Variants in PTPN11 observed in about 807,000 individuals in gnomAD.
PTPN11 encodes the protein protein tyrosine phosphatase non-receptor type 11.
PTPN11 carries 6 observed loss-of-function variants against 78.8 expected under a neutral mutation model. The observed-to-expected ratio is 0.08, with a 90% confidence interval of 0.04 to 0.15. PTPN11 has a LOEUF of 0.15. Among genes scored for constraint, PTPN11 ranks in the 10% least tolerant of loss-of-function variants. The probability of loss-of-function intolerance (pLI) is 1.00; values close to 1 mark genes in which losing one functional copy is unlikely to be tolerated. For synonymous variants in PTPN11, 221 were observed against 263.5 expected, an observed-to-expected ratio of 0.84 and a Z score of 1.56; for missense variants, 386 against 744.8, an observed-to-expected ratio of 0.52 and a Z score of 5.61.
chr12:112,441,011 TAGAG>T (rs2037881009), intron 1 of PTPN11, among the ~76,000 whole-genome samples: 1 of 150,062 alleles, frequency 6.7e-6, no homozygotes, highest in African/African-American at 2.5e-5. Context: ...TTGCCCAGGC[TAGAG>T]TGCAGTGGTG....
chr12:112,455,808 A>G, intron 5 of PTPN11, 142 bp from the exon 6 acceptor site: 1 of 652,728 alleles, frequency 1.5e-6, no homozygotes. Context: ...GAAAACTTTT[A>G]TTGTGAATTA....
intron 13 of PTPN11, among the ~76,000 whole-genome samples, chr12:112,499,440 A>G (rs2038848391): frequency 6.6e-6 from 1 of 151,874 alleles, no homozygotes; most frequent in Admixed American, 6.6e-5. Flanking sequence ...CCCAGGTTCA[A>G]GTGTTTCTGC....
At chr12:112,474,669 C>T (rs370111427) in intron 7 of PTPN11, among the ~76,000 whole-genome samples, 14 of 152,028 alleles carry the variant, frequency 9.2e-5, no homozygotes, top group African/African-American at 3.1e-4. Context: ...GGCTGGAGTG[C>T]AGTGGCATGA....
intron 13 of PTPN11, among the ~76,000 whole-genome samples, chr12:112,494,626 AC>A (rs2038791401): frequency 6.6e-6 from 1 of 152,120 alleles, no homozygotes; most frequent in African/African-American, 2.4e-5. Context: ...TTTCAAAGGA[AC>A]CTGATTCCTT....
chr12:112,468,235 C>T (rs1187178883), intron 6 of PTPN11, among the ~76,000 whole-genome samples: 1 of 152,184 alleles, frequency 6.6e-6, no homozygotes, highest in Non-Finnish European at 1.5e-5. Context: ...TTCAGCTTGA[C>T]AGGTCATTAG....
At chr12:112,495,763 G>A (rs1290654462) in intron 13 of PTPN11, among the ~76,000 whole-genome samples, 2 of 152,168 alleles carry the variant, frequency 1.3e-5, no homozygotes, top group African/African-American at 2.4e-5. Context: ...TTAGCCTACA[G>A]TTGGGCAAAA....
At chr12:112,419,846 G>A (rs1343122826) in intron 1 of PTPN11, among the ~76,000 whole-genome samples, 2 of 152,176 alleles carry the variant, frequency 1.3e-5, no homozygotes, top group African/African-American at 4.8e-5. Context: ...GGAAACCGAG[G>A]CCCAGAAGCA....
At chr12:112,442,829 TTTATATATATATATATATATATATATATA>T (rs1592819010) in intron 1 of PTPN11, among the ~76,000 whole-genome samples, 1 of 56,928 alleles carries the variant, frequency 1.8e-5, no homozygotes, top group East Asian at 3.4e-4. Context: ...TCTCTCTCTT[TTTATATATATATATATATATATATATATA>T]TATATATATA....
In PTPN11 at chr12:112,489,170, G is replaced by A. The variant is rs587778634; in HGVS notation, c.1594G>A (p.Glu532Lys). Reference protein sequence around the residue: ...IETLQRRIEEEQKSKRKGHEY... With the variant: ...IETLQRRIEEKQKSKRKGHEY... ...AACACTACAGCGCAGGATTGAAGAA[G>A]AGCAGGTACCAGCCTGAGGGCTGGC... Residue 532 changes from glutamate (E) to lysine (K), a missense_variant, in exon 13 of 16, where the codon GAG becomes AAG. Glu to Lys is a moderately conservative substitution (Grantham distance 56, BLOSUM62 1). Transcript: ENST00000351677. 9.3e-6 allele frequency: 15 copies of A among 1,614,170 alleles called. No homozygotes were observed. In the Admixed American group the frequency reaches 1.2e-4, roughly 13 times the overall value.
chr12:112,465,323 A>C (rs1052117542), intron 6 of PTPN11, among the ~76,000 whole-genome samples: 3 of 151,884 alleles, frequency 2.0e-5, no homozygotes, highest in Non-Finnish European at 4.4e-5. Flanking sequence ...AATACCAGCT[A>C]CTAGGGAGGC....
At chr12:112,435,438 G>A (rs191552559) in intron 1 of PTPN11, among the ~76,000 whole-genome samples, 87 of 152,290 alleles carry the variant, frequency 5.7e-4, no homozygotes, top group African/African-American at 2.0e-3. Context: ...AAAAAGAAGA[G>A]ATGACAGTGG....
intron 1 of PTPN11, among the ~76,000 whole-genome samples, chr12:112,436,014 A>G (rs923205738): frequency 1.3e-5 from 2 of 152,140 alleles, no homozygotes; most frequent in East Asian, 1.9e-4. Flanking sequence ...GTGGGACCCC[A>G]TCTCTATTTT....
At position 112,431,344 on chromosome 12, in the gene PTPN11, A is replaced by G. The variant is rs771031034; in HGVS notation, c.14+12219A>G. On this transcript the variant is annotated intron_variant, in intron 1 of 15. Coordinates refer to ENST00000351677, the MANE Select transcript of PTPN11 (RefSeq NM_002834.5). ...CCAGGAGTTGGAGCTGCAGTGAGCCATGATCACACCACTGCACTCCAGCCT... is the reference window on the plus strand; with the variant it reads ...CCAGGAGTTGGAGCTGCAGTGAGCCGTGATCACACCACTGCACTCCAGCCT... Among the ~76,000 whole-genome samples the G allele has an allele frequency of 1.7e-3, 252 of 152,308 alleles. 2 individuals are homozygous for G. Among genetic ancestry groups the G allele is most frequent in the Non-Finnish European group, 1.3e-3 (89 of 68,024 alleles).
chr12:112,475,064 G>A (rs2038478214), intron 7 of PTPN11, among the ~76,000 whole-genome samples: 2 of 152,176 alleles, frequency 1.3e-5, no homozygotes, highest in South Asian at 4.1e-4. Context: ...CCTCTCTCCC[G>A]AGGTCTAACT....
intron 6 of PTPN11, among the ~76,000 whole-genome samples, chr12:112,470,926 C>T (rs2038405530): frequency 1.3e-5 from 2 of 152,192 alleles, no homozygotes; most frequent in Non-Finnish European, 2.9e-5. Flanking sequence ...AAGACTGGCT[C>T]ACAGTCCAAG....
intron 9 of PTPN11, among the ~76,000 whole-genome samples, chr12:112,481,495 C>G (rs1166008808): frequency 6.6e-6 from 1 of 151,544 alleles, no homozygotes; most frequent in Admixed American, 6.6e-5. Context: ...CTTGTTTGAA[C>G]TCTTCCTTTT....
chr12:112,443,756 G>A (rs892479470), intron 1 of PTPN11, among the ~76,000 whole-genome samples: 4 of 151,214 alleles, frequency 2.6e-5, no homozygotes, highest in East Asian at 1.9e-4. Context: ...GGGCTCAGGC[G>A]ATCCTCCCAC....
chr12:112,434,553 A>C (rs1207183763), intron 1 of PTPN11, among the ~76,000 whole-genome samples: 1 of 151,564 alleles, frequency 6.6e-6, no homozygotes, highest in Non-Finnish European at 1.5e-5. Flanking sequence ...GGTTGCAGTG[A>C]GCCGAGATCA....
chr12:112,494,651 G>C (rs912103250), intron 13 of PTPN11, among the ~76,000 whole-genome samples: 1 of 152,172 alleles, frequency 6.6e-6, no homozygotes, highest in Non-Finnish European at 1.5e-5. Context: ...GTGAAGAGCA[G>C]TATTTTGAAA....
Sources: gnomAD v4.1 joint callset for allele counts (sites outside exome capture counted in the v4.1 genomes callset) on GRCh38, gnomAD v4.1.1 for gene constraint, MANE v1.5 for transcripts, NCBI Gene and HGNC (gene_info 2026-07-23, HGNC 2026-07-21) for gene names.